CALR3: variants seen among roughly 807,000 people sequenced by gnomAD.
The protein encoded by CALR3 is calreticulin-3.
Under a neutral mutation model 48.7 loss-of-function variants are expected in CALR3, and 39 were observed. The observed-to-expected ratio is 0.80, with a 90% CI of 0.62 to 1.05. The LOEUF (loss-of-function observed/expected upper bound fraction) is 1.05. CALR3 is among the 50% of genes least tolerant of loss of function. The probability of loss-of-function intolerance (pLI) is 0.00; values close to 1 mark genes in which losing one functional copy is unlikely to be tolerated. For synonymous variants in CALR3, 185 were observed against 172.7 expected (o/e 1.07, Z -0.56); for missense variants, 449 against 474.7 (o/e 0.95, Z 0.50).
chr19:16,483,849 C>T (rs2093384604), intron 5 of CALR3, 81 bp downstream of exon 5: 2 of 1,443,248 alleles, frequency 1.4e-6, no homozygotes, highest in Admixed American at 3.9e-5. Context: ...TGGCTACCAG[C>T]CATGCAGCAA....
Position 16,484,483 on chromosome 19 carries a change from C to T in CALR3, c.493-368G>A, listed in dbSNP as rs371693095. 5.1e-4 allele frequency among the ~76,000 whole-genome samples: 78 copies of T among 151,726 alleles called. 1 individual carries two copies. Among genetic ancestry groups the T allele is most frequent in the African/African-American group, 1.7e-3 (70 of 41,428 alleles). ...TGAGCCACCACGCCCGGCCAACTCT[C>T]GATGTTTTAATGCAAGTCTAAATAT... is the stretch of plus-strand genomic sequence containing the variant. On this transcript the variant is annotated intron_variant, in intron 4 of 8. Coordinates refer to ENST00000269881, the MANE Select transcript of CALR3 (RefSeq NM_145046.5).
At position 16,493,045 on chromosome 19, in the gene CALR3, A is replaced by G. The variant is rs367860444; in HGVS notation, c.194-2475T>C. Among the ~76,000 whole-genome samples the G allele has an allele frequency of 3.9e-5, 6 of 152,268 alleles. No individual in the cohort carries two copies. The East Asian group carries it at 7.7e-4, about 20-fold the overall frequency. ...AAACTCTCTCTCAAATAAATACATAAAATAAATAAAAACCTTGAGCAAGTT... is the reference window on the plus strand; with the variant it reads ...AAACTCTCTCTCAAATAAATACATAGAATAAATAAAAACCTTGAGCAAGTT... On this transcript the variant is annotated intron_variant, in intron 2 of 8. Coordinates refer to ENST00000269881, the MANE Select transcript of CALR3 (RefSeq NM_145046.5).
In CALR3 at chr19:16,479,756, T is replaced by TCAAAA. The variant is rs527383415; in HGVS notation, c.1012-487_1012-483dup. ...CCTGGGTGACAGAGCAAAACCCGTC[T>TCAAAA]CAAAACAAAACAAAACAAAACAAAA... On this transcript the variant is annotated intron_variant, in intron 8 of 8. Coordinates refer to ENST00000269881, the MANE Select transcript of CALR3 (RefSeq NM_145046.5). Among the ~76,000 whole-genome samples the TCAAAA allele has an allele frequency of 7.9e-3, 1,191 of 151,094 alleles. 17 individuals are homozygous for TCAAAA. The highest frequency in any genetic ancestry group is 0.026 in the African/African-American group (1,070 of 41,036).
At position 16,494,671 on chromosome 19, in the gene CALR3, T is replaced by A. The variant is rs2093403300; in HGVS notation, c.193+1080A>T. Among the ~76,000 whole-genome samples the A allele has an allele frequency of 2.0e-5, 3 of 152,210 alleles. No homozygotes were observed. The South Asian group carries it at 6.2e-4, about 32-fold the overall frequency. ...CCACCGCGCCTGGCCTATTTTTCTTTTTAATACGAAAATTAAAATGAGAAA... is the reference window on the plus strand; with the variant it reads ...CCACCGCGCCTGGCCTATTTTTCTTATTAATACGAAAATTAAAATGAGAAA... On this transcript the variant is annotated intron_variant, in intron 2 of 8. Transcript: ENST00000269881.
Position 16,479,148 on chromosome 19 carries a change from T to C in CALR3, c.1138A>G (p.Arg380Gly), listed in dbSNP as rs746938291. 2 of 1,614,196 alleles carry C rather than the reference T, an allele frequency of 1.2e-6. No homozygotes were observed. Among genetic ancestry groups the C allele is most frequent in the South Asian group, 2.2e-5 (2 of 91,080 alleles). The stretch of plus-strand genomic sequence containing the variant: ...GGGGATCACTAAAGTTCATTCCTTC[T>C]GTGAAATTGATTGAAGTAATGTTCG... Reference protein sequence around the residue: ...RHEHYFNQFHRRNEL With the variant: ...RHEHYFNQFHGRNEL Residue 380 changes from arginine (R) to glycine (G), a missense_variant, in exon 9 of 9, where the codon AGA becomes GGA. By Grantham distance (125) the Arg-to-Gly change is moderately radical (BLOSUM62 -2). Coordinates refer to ENST00000269881, the MANE Select transcript of CALR3 (RefSeq NM_145046.5).
intron 3 of CALR3, 30 bp downstream of exon 3, chr19:16,490,337 A>G: frequency 6.3e-7 from 1 of 1,596,714 alleles, no homozygotes; most frequent in East Asian, 2.2e-5. Context: ...AAGTCACTAG[A>G]AGTGGTTGTG....
At position 16,480,639 on chromosome 19, in the gene CALR3, C is replaced by T. The variant is rs927113969; in HGVS notation, c.986G>A (p.Gly329Asp). Residue 329 changes from glycine (G) to aspartate (D), a missense_variant, in exon 8 of 9, where the codon GGC becomes GAC. Transcript: ENST00000269881. ...CTTGGTTTCGCCCCAGGTGGCCTTG[C>T]CAAAATTATCTGCGTACTCTTCATC... ...TDDEEYADNF[G>D]KATWGETKGP... 1.9e-6 allele frequency: 3 copies of T among 1,613,596 alleles called. No individual in the cohort carries two copies. The African/African-American group carries it at 4.0e-5, about 22-fold the overall frequency.
intron 4 of CALR3, among the ~76,000 whole-genome samples, chr19:16,484,317 A>C (rs1034737026): frequency 1.3e-5 from 2 of 151,046 alleles, no homozygotes; most frequent in Non-Finnish European, 2.9e-5. Context: ...AGCTGGGATT[A>C]CAGGCACCTG....
In CALR3 at chr19:16,490,364, C is replaced by T. The variant is rs1254210313; in HGVS notation, c.397+3G>A. 6.2e-7 allele frequency: 1 copy of T among 1,613,944 alleles called. No homozygotes were observed. Among genetic ancestry groups the T allele is most frequent in the Non-Finnish European group, 8.5e-7 (1 of 1,179,938 alleles). On this transcript the variant is annotated splice_donor_region_variant and intron_variant, in intron 3 of 8. Transcript: ENST00000269881. ...GTGGTTGTGTTGCACCACGTAAACT[C>T]ACCAAACATAATATAGTACTGCGAT...
In CALR3 at chr19:16,483,892, T is replaced by G. The variant is rs375866420; in HGVS notation, c.678+38A>C. The G allele has an allele frequency of 7.7e-4, 1,233 of 1,600,816 alleles. 1 individual carries two copies. The highest frequency in any genetic ancestry group is 1.0e-3 in the Non-Finnish European group (1,196 of 1,170,750). On this transcript the variant is annotated intron_variant, in intron 5 of 8. Transcript: ENST00000269881. ...GTAACTGGGTACTTACAAACTACAT[T>G]TGTGCACTTTTTAGAGTTGCCCAGG...
chr19:16,482,378 C>CAACAA (rs71178697), intron 7 of CALR3, 72 bp downstream of exon 7: 30 of 1,596,538 alleles, frequency 1.9e-5, no homozygotes, highest in East Asian at 1.1e-4. Context: ...GACCCTGTCT[C>CAACAA]AACAAAACAA....
intron 2 of CALR3, 69 bp from the exon 3 acceptor site, chr19:16,490,639 G>A (rs1043791461): frequency 1.6e-5 from 21 of 1,346,036 alleles, no homozygotes; most frequent in Non-Finnish European, 1.9e-5. Context: ...AAGTTAAATC[G>A]ATGTCCTTCC....
chr19:16,490,596 G>A (rs192338082), intron 2 of CALR3, 26 bp from the exon 3 acceptor site: 1 of 1,595,276 alleles, frequency 6.3e-7, no homozygotes, highest in Non-Finnish European at 8.6e-7. Flanking sequence ...ACTCATGAAG[G>A]ATCAGGAATG....
Position 16,479,229 on chromosome 19 carries a change from T to G in CALR3, c.1057A>C (p.Lys353Gln). The G allele has an allele frequency of 6.2e-7, 1 of 1,614,082 alleles. No homozygotes were observed. Among genetic ancestry groups the G allele is most frequent in the South Asian group, 1.1e-5 (1 of 91,074 alleles). The stretch of plus-strand genomic sequence containing the variant: ...TCCTCCTCTTCCTCGCGGGCCTTCT[T>G]CATTTCCTCCTTGGCCTGTATGGCA... Reference protein sequence around the residue: ...MDAIQAKEEMKKAREEEEEEL... With the variant: ...MDAIQAKEEMQKAREEEEEEL... The change falls in exon 9 of 9, where the codon AAG becomes CAG. Residue 353 changes from lysine (K) to glutamine (Q), a missense_variant. By Grantham distance (53) the Lys-to-Gln change is moderately conservative (BLOSUM62 1). Transcript: ENST00000269881.
intron 7 of CALR3, among the ~76,000 whole-genome samples, chr19:16,481,973 C>T (rs1206721922): frequency 1.4e-5 from 2 of 141,770 alleles, no homozygotes; most frequent in Non-Finnish European, 3.0e-5. Flanking sequence ...GTGGCCCGAT[C>T]TCAGCTCACT....
intron 4 of CALR3, among the ~76,000 whole-genome samples, chr19:16,484,748 G>C (rs1331372315): frequency 6.6e-6 from 1 of 151,714 alleles, no homozygotes; most frequent in Non-Finnish European, 1.5e-5. Flanking sequence ...GAACTCCTTG[G>C]CTCAAGCAGT....
At chr19:16,490,252 T>C (rs1487925435) in intron 3 of CALR3, 115 bp downstream of exon 3, 5 of 868,732 alleles carry the variant, frequency 5.8e-6, no homozygotes, top group African/African-American at 3.3e-5. Context: ...TTGGATCCGA[T>C]ATACTCAATA....
At chr19:16,495,667 C>T in intron 2 of CALR3, 84 bp downstream of exon 2, 2 of 1,012,262 alleles carry the variant, frequency 2.0e-6, no homozygotes, top group Admixed American at 1.9e-5. Flanking sequence ...GGAATAAAAG[C>T]GTTTTGGCTG....
At chr19:16,486,620 A>C (rs902097942) in intron 3 of CALR3, among the ~76,000 whole-genome samples, 40 of 10,582 alleles carry the variant, frequency 3.8e-3, no homozygotes, top group African/African-American at 0.01. Flanking sequence ...ATTCTATCTC[A>C]AAAAAAAAAA....
Sources: allele counts gnomAD v4.1 joint callset (sites outside exome capture counted in the v4.1 genomes callset), GRCh38; gene constraint gnomAD v4.1.1; transcripts MANE v1.5; gene names NCBI Gene and HGNC (gene_info 2026-07-23, HGNC 2026-07-21).